PKD1: variants seen among roughly 807,000 people sequenced by gnomAD.
The protein encoded by PKD1 is polycystin-1.
A neutral mutation model predicts 361.7 loss-of-function variants in PKD1; 81 were observed. That is an observed-to-expected ratio of 0.22 (90% CI 0.19 to 0.27). PKD1 has a LOEUF of 0.27. Among genes scored for constraint, PKD1 ranks in the 10% least tolerant of loss-of-function variants. The pLI is 1.00. For synonymous variants in PKD1, 3,615 were observed against 2,818.3 expected, an observed-to-expected ratio of 1.28 and a Z score of -8.95; for missense variants, 6,399 against 6,118.3, an observed-to-expected ratio of 1.05 and a Z score of -1.53.
At chr16:2,104,346 G>T in intron 22 of PKD1, 152 bp downstream of exon 22, 1 of 518,222 alleles carries the variant, frequency 1.9e-6, no homozygotes, top group Non-Finnish European at 3.5e-6. Context: ...AGGAGAATGG[G>T]AATTGGGGGA....
chr16:2,113,960 T>G, intron 11 of PKD1: 1 of 600,688 alleles, frequency 1.7e-6, no homozygotes, highest in African/African-American at 1.9e-5. Flanking sequence ...TGGAATGAGT[T>G]AGCGGAGCCA....
Position 2,100,676 on chromosome 16 carries a change from G to T in PKD1, c.9398-110C>A, listed in dbSNP as rs2092060160. On this transcript the variant is annotated intron_variant, in intron 26 of 45. Coordinates refer to ENST00000262304, the MANE Select transcript of PKD1 (RefSeq NM_001009944.3). The surrounding 1 kb of genome is among the most constrained non-coding windows in gnomAD (Gnocchi z 4.4). The stretch of plus-strand genomic sequence containing the variant: ...TGTGCGCACTCAAGGAGCCACACAG[G>T]CAGTCCCGGCTTTGCACGGCTCTGC... 1 of 915,742 alleles carries T rather than the reference G, an allele frequency of 1.1e-6. No homozygotes were observed. The highest frequency in any genetic ancestry group is 1.6e-5 in the African/African-American group (1 of 62,284). The allele number at this position is 915,742 out of a possible 1,614,324, so 56.7% of individuals were successfully genotyped here. A position where few individuals can be genotyped will look rare whatever the true frequency, so the allele number is the denominator to read the frequency against.
intron 34 of PKD1, among the ~76,000 whole-genome samples, chr16:2,096,233 T>C (rs975788528): frequency 1.3e-5 from 2 of 152,232 alleles, no homozygotes; most frequent in Admixed American, 1.3e-4. Context: ...CCCCTGTGCA[T>C]GCAGGCCCTG....
chr16:2,095,371 C>G (rs374378398), intron 34 of PKD1: 1 of 152,276 alleles, frequency 6.6e-6, no homozygotes, highest in South Asian at 2.1e-4. Context: ...CGAGATCATG[C>G]GACTGCACTC....
At chr16:2,092,709 C>T (rs1037972447) in intron 38 of PKD1, 117 bp from the exon 39 acceptor site, 5 of 874,812 alleles carry the variant, frequency 5.7e-6, no homozygotes, top group Non-Finnish European at 9.3e-6. Flanking sequence ...ACGGCTAGAC[C>T]TGGGCTTCTC....
At position 2,091,464 on chromosome 16, in the gene PKD1, G is replaced by A; in HGVS notation, c.11671C>T (p.Arg3891Cys). ...AALSVRPFAL[R>C]RLSAGLSLPL... ...AGCGAGAGGCCCGCGCTGAGGCGGC[G>A]CAGCGCAAAGGGGCGGACGCTGAGG... is the stretch of plus-strand genomic sequence containing the variant. The change falls in exon 42 of 46, where the codon CGC (arginine) becomes TGC (cysteine). Residue 3891 changes from arginine to cysteine, a missense_variant. Transcript: ENST00000262304. The A allele has an allele frequency of 7.8e-7, 1 of 1,285,964 alleles. No homozygotes were observed. Among genetic ancestry groups the A allele is most frequent in the South Asian group, 1.8e-5 (1 of 54,762 alleles). The allele number at this position is 1,285,964 out of a possible 1,614,324, so 79.7% of individuals were successfully genotyped here.
At chr16:2,128,853 C>T (rs1451534504) in intron 1 of PKD1, among the ~76,000 whole-genome samples, 3 of 152,074 alleles carry the variant, frequency 2.0e-5, no homozygotes, top group East Asian at 3.9e-4. Flanking sequence ...TACAGGCATG[C>T]GCCACCACGC....
chr16:2,091,581 G>A lies in PKD1; in HGVS notation c.11554C>T (p.Leu3852=), dbSNP rs1393792412. 8 of 1,554,188 alleles carry A rather than the reference G, an allele frequency of 5.1e-6. No homozygotes were observed. Among genetic ancestry groups the A allele is most frequent in the Non-Finnish European group, 6.9e-6 (8 of 1,159,282 alleles). ...WLDNRSRAVF[L]ELTRYSPAVG... ...GCCGGGCTGTAGCGCGTGAGCTCCAGGAACACAGCGCGGCTCCTGCGCAGA... is the reference window on the plus strand; with the variant it reads ...GCCGGGCTGTAGCGCGTGAGCTCCAAGAACACAGCGCGGCTCCTGCGCAGA... Residue 3852 remains leucine (L), a synonymous_variant, in exon 42 of 46, where the codon CTG becomes TTG. Coordinates refer to ENST00000262304, the MANE Select transcript of PKD1 (RefSeq NM_001009944.3).
rs903412092 is a variant in PKD1, at chr16:2,135,555, G to T, written c.135C>A (p.Ala45=). Residue 45 remains alanine (A), a synonymous_variant, in exon 1 of 46, where the codon GCC becomes GCA. Transcript: ENST00000262304. ...GGCCCGAGCAGTTGACGCGGCAGGCGGCGCCGGGCGCTGGGCCGCAGAGGC... is the reference window on the plus strand; with the variant it reads ...GGCCCGAGCAGTTGACGCGGCAGGCTGCGCCGGGCGCTGGGCCGCAGAGGC... The part of the protein sequence containing the change: ...PPCLCGPAPG[A]ACRVNCSGRG... 5 of 1,125,618 alleles carry T rather than the reference G, an allele frequency of 4.4e-6. No homozygotes were observed. In the African/African-American group the frequency reaches 8.3e-5, roughly 19 times the overall value. 69.7% of individuals were successfully genotyped at this position (1,125,618 alleles called of 1,614,324 possible).
rs543197516 is a variant in PKD1, at chr16:2,092,031, C to G, written c.11411+16G>C. 6 of 1,612,732 alleles carry G rather than the reference C, an allele frequency of 3.7e-6. No individual in the cohort carries two copies. Among genetic ancestry groups the G allele is most frequent in the Admixed American group, 3.3e-5 (2 of 60,022 alleles). ...TTGTCCTTGGCGTAGACGCCCGGGG[C>G]CCTCGCTCTGCTCACCCCAGCAGAT... On this transcript the variant is annotated intron_variant, in intron 40 of 45. Coordinates refer to ENST00000262304, the MANE Select transcript of PKD1 (RefSeq NM_001009944.3).
chr16:2,091,632 G>A, intron 41 of PKD1, 35 bp from the exon 42 acceptor site: 1 of 1,560,478 alleles, frequency 6.4e-7, no homozygotes, highest in South Asian at 1.2e-5. Flanking sequence ...GGAGCGGGTG[G>A]CAGGGCGGGA....
chr16:2,129,756 G>C (rs1305721748), intron 1 of PKD1, among the ~76,000 whole-genome samples: 1 of 151,368 alleles, frequency 6.6e-6, no homozygotes, highest in African/African-American at 2.4e-5. Context: ...TCACCCTGTT[G>C]CCCAGGCTGG....
At chr16:2,093,294 C>G in intron 37 of PKD1, 1 of 702,546 alleles carries the variant, frequency 1.4e-6, no homozygotes. Flanking sequence ...GACACACAGG[C>G]CACTGCAGTG....
intron 1 of PKD1, among the ~76,000 whole-genome samples, chr16:2,134,547 C>T (rs996054446): frequency 1.3e-5 from 2 of 149,612 alleles, no homozygotes; most frequent in South Asian, 2.1e-4. Flanking sequence ...TCCCCTCCGC[C>T]CTTTTCAATC....
chr16:2,107,846 G>A, intron 16 of PKD1, 37 bp downstream of exon 16: 2 of 1,534,954 alleles, frequency 1.3e-6, no homozygotes, highest in Non-Finnish European at 1.8e-6. Context: ...AGGCTGGGCT[G>A]TCCAAGGCAA....
At chr16:2,119,091 C>G in intron 3 of PKD1, 23 bp downstream of exon 3, 1 of 1,138,858 alleles carries the variant, frequency 8.8e-7, no homozygotes, top group South Asian at 1.3e-5. Context: ...AGCCAGGACC[C>G]CACCCAAAGA....
Position 2,106,272 on chromosome 16 carries a change from G to C in PKD1, c.7522C>G (p.Leu2508Val). ...WHDAEDAGAP[L>V]VYALLLRRCR... Reference sequence around the variant, plus strand: ...CGCCGCAGCAGCAGGGCGTACACCAGCGGGGCGCCAGCATCCTCCGCGTCA... The same window carrying C: ...CGCCGCAGCAGCAGGGCGTACACCACCGGGGCGCCAGCATCCTCCGCGTCA... The change falls in exon 19 of 46, where the codon CTG becomes GTG. Residue 2508 changes from leucine (L) to valine (V), a missense_variant. By Grantham distance (32) the Leu-to-Val change is conservative (BLOSUM62 1). Transcript: ENST00000262304. This position sits in a 1 kb window ranked among gnomAD's most constrained non-coding sequence, Gnocchi z 6.5. 1 of 1,610,144 alleles carries C rather than the reference G, an allele frequency of 6.2e-7. No individual in the cohort carries two copies. Among genetic ancestry groups the C allele is most frequent in the East Asian group, 2.2e-5 (1 of 44,870 alleles).
At chr16:2,093,494 G>A in intron 37 of PKD1, 50 bp downstream of exon 37, 3 of 1,517,186 alleles carry the variant, frequency 2.0e-6, no homozygotes, top group Non-Finnish European at 2.7e-6. Context: ...GGTGGGAGGT[G>A]GGAGACAAGA....
In PKD1 at chr16:2,091,580, A is replaced by G. The variant is rs2151695909; in HGVS notation, c.11555T>C (p.Leu3852Pro). Residue 3852 changes from leucine to proline, a missense_variant, in exon 42 of 46, where the codon CTG becomes CCG. Leu to Pro is a moderately conservative substitution (Grantham distance 98). Transcript: ENST00000262304. ...GGCCGGGCTGTAGCGCGTGAGCTCC[A>G]GGAACACAGCGCGGCTCCTGCGCAG... ...WLDNRSRAVF[L>P]ELTRYSPAVG... The G allele has an allele frequency of 6.4e-7, 1 of 1,554,346 alleles. No individual in the cohort carries two copies. The highest frequency in any genetic ancestry group is 8.6e-7 in the Non-Finnish European group (1 of 1,159,356).
Sources: allele counts gnomAD v4.1 joint callset (sites outside exome capture counted in the v4.1 genomes callset), GRCh38; gene constraint gnomAD v4.1.1; non-coding constraint Gnocchi (gnomAD v3.1); transcripts MANE v1.5; gene names NCBI Gene and HGNC (gene_info 2026-07-23, HGNC 2026-07-21).